PLSCR1: variants seen among roughly 807,000 people sequenced by gnomAD.
The protein encoded by PLSCR1 is phospholipid scramblase 1.
A neutral mutation model predicts 37.8 loss-of-function variants in PLSCR1; 17 were observed. The observed-to-expected ratio is 0.45, with a 90% CI of 0.31 to 0.68. The LOEUF is 0.68. PLSCR1 is among the 30% of genes least tolerant of loss of function. The pLI is 0.06. For missense variants in PLSCR1, 347 were observed against 380.9 expected (o/e 0.91, Z 0.74); for synonymous variants, 116 against 125.9 (o/e 0.92, Z 0.53).
intron 1 of PLSCR1, among the ~76,000 whole-genome samples, chr3:146,537,476 T>C (rs2044280864): frequency 6.6e-6 from 1 of 152,126 alleles, no homozygotes; most frequent in African/African-American, 2.4e-5. Flanking sequence ...TTAAATTATC[T>C]TACTGTGCAA....
At chr3:146,525,913 G>C (rs1299948730) in intron 4 of PLSCR1, among the ~76,000 whole-genome samples, 1 of 151,820 alleles carries the variant, frequency 6.6e-6, no homozygotes, top group Admixed American at 6.6e-5. Flanking sequence ...GACAATTGAG[G>C]TGGCTCATGC....
intron 1 of PLSCR1, among the ~76,000 whole-genome samples, chr3:146,542,055 A>G (rs1436539862): frequency 6.6e-6 from 1 of 152,146 alleles, no homozygotes. Flanking sequence ...TACCCTTTCT[A>G]TGTTTAGATA....
intron 3 of PLSCR1, among the ~76,000 whole-genome samples, chr3:146,529,731 T>G (rs2044170569): frequency 6.6e-6 from 1 of 152,126 alleles, no homozygotes; most frequent in Non-Finnish European, 1.5e-5. Context: ...GCCAGGATGG[T>G]CTCGATCTCC....
chr3:146,524,136 A>C (rs978003419), intron 5 of PLSCR1, among the ~76,000 whole-genome samples: 5 of 152,202 alleles, frequency 3.3e-5, no homozygotes, highest in African/African-American at 1.2e-4. Context: ...AAAAAAGTTA[A>C]GCTGATTTTG....
At chr3:146,522,584 A>G (rs2044040816) in intron 5 of PLSCR1, among the ~76,000 whole-genome samples, 1 of 152,214 alleles carries the variant, frequency 6.6e-6, no homozygotes. Context: ...TGCCTAGGAA[A>G]GCCAGGTATT....
intron 1 of PLSCR1, among the ~76,000 whole-genome samples, chr3:146,539,809 T>C (rs1038928524): frequency 6.6e-6 from 1 of 152,200 alleles, no homozygotes; most frequent in Non-Finnish European, 1.5e-5. Context: ...ATCTCAAGCA[T>C]TGAAAGTGGT....
At chr3:146,534,822 G>A (rs561505503) in intron 2 of PLSCR1, among the ~76,000 whole-genome samples, 7 of 152,278 alleles carry the variant, frequency 4.6e-5, no homozygotes, top group Admixed American at 2.6e-4. Context: ...GTTGCAGTGA[G>A]CCGAGATCGT....
chr3:146,528,653 A>C lies in PLSCR1; in HGVS notation c.273T>G (p.Pro91=), dbSNP rs1223416685. The change falls in exon 4 of 9, where the codon CCT becomes CCG. Residue 91 remains proline, a synonymous_variant. Coordinates refer to ENST00000342435, the MANE Select transcript of PLSCR1 (RefSeq NM_021105.3). Reference sequence around the variant, plus strand: ...CTAATCCAGGTGGACAGTTTAATGGAGGCTGTGGCGCTGGCATCCATGGTA... The same window carrying C: ...CTAATCCAGGTGGACAGTTTAATGGCGGCTGTGGCGCTGGCATCCATGGTA... ...AGVPWMPAPQ[P]PLNCPPGLEY... is the part of the protein sequence containing the mutation. 1 of 1,614,062 alleles carries C rather than the reference A, an allele frequency of 6.2e-7. No homozygotes were observed. The highest frequency in any genetic ancestry group is 1.7e-5 in the Admixed American group (1 of 60,024).
intron 7 of PLSCR1, among the ~76,000 whole-genome samples, chr3:146,520,669 C>T (rs1006992220): frequency 2.0e-5 from 3 of 152,006 alleles, no homozygotes; most frequent in African/African-American, 7.2e-5. Flanking sequence ...TTAAAGAAGG[C>T]AGGCAGATCA....
chr3:146,536,576 A>C lies in PLSCR1; in HGVS notation c.-13-11T>G, dbSNP rs1213973345. On this transcript the variant is annotated splice_polypyrimidine_tract_variant and intron_variant, in intron 1 of 8. Transcript: ENST00000342435. The stretch of plus-strand genomic sequence containing the variant: ...ATGATTAAAACAGTTCTGAAAAAGA[A>C]GATCTGACATTAACACACTGTCTAC... 2.0e-6 allele frequency: 3 copies of C among 1,467,738 alleles called. No individual in the cohort carries two copies. The East Asian group carries it at 6.8e-5, about 33-fold the overall frequency. The allele number at this position is 1,467,738 out of a possible 1,614,324, so 90.9% of individuals were successfully genotyped here. A position where few individuals can be genotyped will look rare whatever the true frequency, so the allele number is the denominator to read the frequency against.
At chr3:146,534,667 C>T (rs769021031) in intron 2 of PLSCR1, among the ~76,000 whole-genome samples, 15 of 151,888 alleles carry the variant, frequency 9.9e-5, no homozygotes, top group Non-Finnish European at 1.3e-4. Context: ...CGCTCTCCTA[C>T]TCGTTCAAGA....
At chr3:146,523,105 T>A (rs908364716) in intron 5 of PLSCR1, among the ~76,000 whole-genome samples, 1 of 152,332 alleles carries the variant, frequency 6.6e-6, no homozygotes, top group African/African-American at 2.4e-5. Context: ...CTCCGTATGC[T>A]GAATGCCAGT....
In PLSCR1 at chr3:146,522,074, A is replaced by G. The variant is rs747067123; in HGVS notation, c.356-21T>C. ...TAAAACTAAAAACATAAAAGACGAA[A>G]TCATAATCACCTCTATGTTAAAAAT... On this transcript the variant is annotated intron_variant, in intron 5 of 8. Coordinates refer to ENST00000342435, the MANE Select transcript of PLSCR1 (RefSeq NM_021105.3). The G allele has an allele frequency of 4.7e-6, 6 of 1,264,004 alleles. No individual in the cohort carries two copies. In the South Asian group the frequency reaches 7.1e-5, roughly 15 times the overall value. 78.3% of individuals were successfully genotyped at this position (1,264,004 alleles called of 1,614,324 possible).
chr3:146,525,667 A>G lies in PLSCR1; in HGVS notation c.313-20T>C. On this transcript the variant is annotated intron_variant, in intron 4 of 8. Transcript: ENST00000342435. ...ATCTATCTATAGCAGGAAAAAAAATAAGTGGTATGTATATGTCAAATGAAG... is the reference window on the plus strand; with the variant it reads ...ATCTATCTATAGCAGGAAAAAAAATGAGTGGTATGTATATGTCAAATGAAG... 1.5e-6 allele frequency: 2 copies of G among 1,327,404 alleles called. No individual in the cohort carries two copies. The highest frequency in any genetic ancestry group is 2.1e-6 in the Non-Finnish European group (2 of 933,490). The allele number at this position is 1,327,404 out of a possible 1,614,324, so 82.2% of individuals were successfully genotyped here.
Position 146,525,646 on chromosome 3 carries a change from A to G in PLSCR1, c.314T>C (p.Ile105Thr). 6.8e-7 allele frequency: 1 copy of G among 1,480,002 alleles called. No individual in the cohort carries two copies. Among genetic ancestry groups the G allele is most frequent in the Non-Finnish European group, 9.4e-7 (1 of 1,067,202 alleles). The allele number at this position is 1,480,002 out of a possible 1,614,324, so 91.7% of individuals were successfully genotyped here. A position where few individuals can be genotyped will look rare whatever the true frequency, so the allele number is the denominator to read the frequency against. ...TTGCTGATGAATCAGTATCTGATCTATCTATAGCAGGAAAAAAAATAAGTG... is the reference window on the plus strand; with the variant it reads ...TTGCTGATGAATCAGTATCTGATCTGTCTATAGCAGGAAAAAAAATAAGTG... The part of the protein sequence containing the change: ...CPPGLEYLSQ[I>T]DQILIHQQIE... Residue 105 changes from isoleucine to threonine, a missense_variant and splice_region_variant, in exon 5 of 9, where the codon ATA (isoleucine) becomes ACA (threonine). Physicochemically the swap from Ile to Thr is moderately conservative, Grantham distance 89. Coordinates refer to ENST00000342435, the MANE Select transcript of PLSCR1 (RefSeq NM_021105.3).
chr3:146,516,287 T>C (rs1443370718), intron 8 of PLSCR1, among the ~76,000 whole-genome samples, 186 bp from the exon 9 acceptor site: 2 of 152,216 alleles, frequency 1.3e-5, no homozygotes, highest in Admixed American at 6.5e-5. Context: ...TCCATTTTAA[T>C]AATAAATTCT....
chr3:146,529,557 G>A (rs1208644846), intron 3 of PLSCR1, among the ~76,000 whole-genome samples: 1 of 150,292 alleles, frequency 6.7e-6, no homozygotes, highest in African/African-American at 2.4e-5. Context: ...CTGTCGCCCA[G>A]GCTGGAGTGC....
chr3:146,539,259 G>C (rs1160486503), intron 1 of PLSCR1, among the ~76,000 whole-genome samples: 4 of 152,142 alleles, frequency 2.6e-5, no homozygotes, highest in African/African-American at 7.2e-5. Context: ...TTCACAATAG[G>C]GTTCTTGCTC....
chr3:146,536,459 T>A, intron 2 of PLSCR1, 81 bp downstream of exon 2: 1 of 826,920 alleles, frequency 1.2e-6, no homozygotes, highest in South Asian at 1.4e-5. Flanking sequence ...AGACACTGAA[T>A]AAAACATTAT....
Sources: allele counts gnomAD v4.1 joint callset (sites outside exome capture counted in the v4.1 genomes callset), GRCh38; gene constraint gnomAD v4.1.1; transcripts MANE v1.5; gene names NCBI Gene and HGNC (gene_info 2026-07-23, HGNC 2026-07-21).